The following DNM2 variants were observed in gnomAD, a reference collection of about 807,000 sequenced individuals.
DNM2 encodes dynamin-2.
A neutral mutation model predicts 99.0 loss-of-function variants in DNM2; 15 were observed. That is an observed-to-expected ratio of 0.15 (90% CI 0.10 to 0.23). The LOEUF (loss-of-function observed/expected upper bound fraction) is 0.23, where lower values mean the gene tolerates loss of function less well. Ranked by LOEUF, DNM2 falls within the 10% of genes least tolerant of loss-of-function variation. DNM2 has a pLI of 1.00. For synonymous variants in DNM2, 525 were observed against 481.2 expected, an observed-to-expected ratio of 1.09 and a Z score of -1.19; for missense variants, 742 against 1,189.4, an observed-to-expected ratio of 0.62 and a Z score of 5.53.
intron 15 of DNM2, among the ~76,000 whole-genome samples, chr19:10,813,277 G>A (rs1303751800): frequency 6.6e-6 from 1 of 152,214 alleles, no homozygotes; most frequent in African/African-American, 2.4e-5. Flanking sequence ...CGTTCACTGC[G>A]AGTGAGGGGG....
At chr19:10,753,759 C>T (rs1049862829) in intron 1 of DNM2, among the ~76,000 whole-genome samples, 8 of 151,524 alleles carry the variant, frequency 5.3e-5, no homozygotes, top group East Asian at 1.9e-4. Flanking sequence ...TGGGTTCAAG[C>T]GATTCTCCTG....
chr19:10,775,922 G>A lies in DNM2; in HGVS notation c.589+16G>A. The A allele has an allele frequency of 6.2e-7, 1 of 1,608,164 alleles. No homozygotes were observed. The highest frequency in any genetic ancestry group is 1.7e-5 in the Admixed American group (1 of 60,012). On this transcript the variant is annotated intron_variant, in intron 4 of 20. Coordinates refer to ENST00000389253, the MANE Select transcript of DNM2 (RefSeq NM_001005361.3). This position sits in a 1 kb window ranked among gnomAD's most constrained non-coding sequence, Gnocchi z 4.3. Reference sequence around the variant, plus strand: ...GATCCCCAAGGTAACCCTGAGCCTAGGGCAGTCCCCTCTTCCAGGTGCCTC... The same window carrying A: ...GATCCCCAAGGTAACCCTGAGCCTAAGGCAGTCCCCTCTTCCAGGTGCCTC...
intron 6 of DNM2, among the ~76,000 whole-genome samples, chr19:10,785,955 C>CA (rs2057852745): frequency 6.6e-6 from 1 of 151,976 alleles, no homozygotes; most frequent in Admixed American, 6.6e-5. Context: ...CCCACCACCA[C>CA]ACCGAGATAA....
In DNM2 at chr19:10,830,606, C is replaced by G. The variant is rs1032749636; in HGVS notation, c.2543+228C>G. On this transcript the variant is annotated intron_variant, in intron 20 of 20. Coordinates refer to ENST00000389253, the MANE Select transcript of DNM2 (RefSeq NM_001005361.3). This position sits in a 1 kb window ranked among gnomAD's most constrained non-coding sequence, Gnocchi z 4.8. ...GACTCCGGGGCTCCCAGCTTGCCCT[C>G]TGCCTACTGGGGTGTGCCACCAGGC... 3.0e-5 allele frequency: 19 copies of G among 624,938 alleles called. No individual in the cohort carries two copies. Among genetic ancestry groups the G allele is most frequent in the Non-Finnish European group, 5.2e-5 (19 of 362,004 alleles). The allele number at this position is 624,938 out of a possible 1,614,324, so 38.7% of individuals were successfully genotyped here.
intron 7 of DNM2, among the ~76,000 whole-genome samples, chr19:10,788,354 G>A (rs1001678745): frequency 2.0e-5 from 3 of 152,202 alleles, no homozygotes; most frequent in African/African-American, 7.2e-5. Flanking sequence ...GGACTGGGCC[G>A]GGCATGTCAG....
rs553612374 is a variant in DNM2 at position 10,816,660 on chromosome 19, C to T, written c.1672-3320C>T. On this transcript the variant is annotated intron_variant, in intron 15 of 20. Transcript: ENST00000389253. The surrounding 1 kb of genome is among the most constrained non-coding windows in gnomAD (Gnocchi z 4.6). ...CGCTGTGGTGTGTGGGCTGTCAGGC[C>T]GGCTGAGAGCTGGTGCCCTGCCTTT... Among the ~76,000 whole-genome samples the T allele has an allele frequency of 2.6e-5, 4 of 152,156 alleles. No homozygotes were observed. The highest frequency in any genetic ancestry group is 5.9e-5 in the Non-Finnish European group (4 of 68,024).
chr19:10,771,616 G>A (rs2070982822), intron 2 of DNM2, among the ~76,000 whole-genome samples: 1 of 152,152 alleles, frequency 6.6e-6, no homozygotes, highest in Non-Finnish European at 1.5e-5. Context: ...GCTGGAATGT[G>A]CTGGTGGACC....
chr19:10,721,883 CG>C (rs1568260998), intron 1 of DNM2, among the ~76,000 whole-genome samples: 1 of 152,098 alleles, frequency 6.6e-6, no homozygotes, highest in African/African-American at 2.4e-5. Context: ...AGTCAATATC[CG>C]GATTTCTTGT....
Position 10,777,664 on chromosome 19 carries a change from A to G in DNM2, c.688+448A>G, listed in dbSNP as rs186884513. 3.2e-3 allele frequency among the ~76,000 whole-genome samples: 489 copies of G among 152,212 alleles called. 1 individual carries two copies. Among genetic ancestry groups the G allele is most frequent in the African/African-American group, 0.011 (473 of 41,516 alleles). On this transcript the variant is annotated intron_variant, in intron 5 of 20. Transcript: ENST00000389253. ...AGCTATAGTACAGTGGCACAATCTC[A>G]GCTCACTGCAACCTCCGCCTCCCAG...
chr19:10,753,869 C>T lies in DNM2; in HGVS notation c.162-5869C>T, dbSNP rs188066274. 1.9e-4 allele frequency among the ~76,000 whole-genome samples: 29 copies of T among 152,118 alleles called. No homozygotes were observed. The East Asian group carries it at 5.6e-3, about 29-fold the overall frequency. ...ATGGGGTTGCACCATGTTGGCCAAG[C>T]AGGTCTCGAACTCCTGACCTCAAAC... is the stretch of plus-strand genomic sequence containing the variant. On this transcript the variant is annotated intron_variant, in intron 1 of 20. Transcript: ENST00000389253.
At chr19:10,804,282 A>C (rs186165880) in intron 12 of DNM2, among the ~76,000 whole-genome samples, 132 of 152,250 alleles carry the variant, frequency 8.7e-4, no homozygotes, top group Non-Finnish European at 1.4e-3. Flanking sequence ...TCACCCAGCC[A>C]TCACTGTGGA....
In DNM2 at chr19:10,765,520, C is replaced by T. The variant is rs1186125565; in HGVS notation, c.235+5709C>T. ...CCTTGTATCTAGAGAGCAGACCAAG[C>T]TGGCGTGCGTCAGGCTGTGGGCTGG... On this transcript the variant is annotated intron_variant, in intron 2 of 20. Coordinates refer to ENST00000389253, the MANE Select transcript of DNM2 (RefSeq NM_001005361.3). This position sits in a 1 kb window ranked among gnomAD's most constrained non-coding sequence, Gnocchi z 4.4. 2.0e-5 allele frequency among the ~76,000 whole-genome samples: 3 copies of T among 152,244 alleles called. No individual in the cohort carries two copies. The highest frequency in any genetic ancestry group is 7.2e-5 in the African/African-American group (3 of 41,470).
chr19:10,719,406 C>T (rs914860822), intron 1 of DNM2, among the ~76,000 whole-genome samples: 10 of 152,102 alleles, frequency 6.6e-5, no homozygotes, highest in Admixed American at 2.0e-4. Context: ...CCTTTGGAGC[C>T]TGGGAAGGGG....
intron 18 of DNM2, among the ~76,000 whole-genome samples, chr19:10,827,091 AAC>A (rs1444091715): frequency 6.6e-6 from 1 of 151,836 alleles, no homozygotes; most frequent in Non-Finnish European, 1.5e-5. Context: ...CCCTATTTAA[AAC>A]ACACACACAC....
chr19:10,752,289 G>A (rs956063954), intron 1 of DNM2, among the ~76,000 whole-genome samples: 6 of 152,184 alleles, frequency 3.9e-5, no homozygotes, highest in African/African-American at 1.4e-4. Context: ...TGTTTGAAGA[G>A]AAACCTCATC....
At chr19:10,753,212 T>C (rs1345761047) in intron 1 of DNM2, among the ~76,000 whole-genome samples, 1 of 152,174 alleles carries the variant, frequency 6.6e-6, no homozygotes, top group Non-Finnish European at 1.5e-5. Flanking sequence ...AGCTATTAGC[T>C]ACTCTAATGT....
intron 1 of DNM2, 26 bp from the exon 2 acceptor site, chr19:10,759,712 T>C: frequency 6.2e-7 from 1 of 1,613,954 alleles, no homozygotes; most frequent in Non-Finnish European, 8.5e-7. Context: ...GCAAGAGTAA[T>C]TTCTGTCCCT....
At chr19:10,769,754 G>T (rs549914007) in intron 2 of DNM2, among the ~76,000 whole-genome samples, 38 of 152,204 alleles carry the variant, frequency 2.5e-4, no homozygotes, top group African/African-American at 8.9e-4. Flanking sequence ...AGCAGGGCTG[G>T]GGGTGGGGGT....
chr19:10,791,234 G>C (rs796653697), intron 7 of DNM2, among the ~76,000 whole-genome samples: 1 of 151,932 alleles, frequency 6.6e-6, no homozygotes, highest in African/African-American at 2.4e-5. Context: ...ATCCTCAGGC[G>C]TGCACCACAG....
Sources: gnomAD v4.1 joint callset for allele counts (sites outside exome capture counted in the v4.1 genomes callset) on GRCh38, gnomAD v4.1.1 for gene constraint, Gnocchi (gnomAD v3.1) non-coding constraint, MANE v1.5 for transcripts, NCBI Gene and HGNC (gene_info 2026-07-23, HGNC 2026-07-21) for gene names.